PDS5B: variants seen among roughly 807,000 people sequenced by gnomAD.
The protein encoded by PDS5B is sister chromatid cohesion protein PDS5 homolog B.
PDS5B carries 51 observed loss-of-function variants against 184.1 expected under a neutral mutation model. The ratio of observed to expected loss-of-function variants is 0.28; its 90% confidence interval spans 0.22 to 0.35. PDS5B has a LOEUF of 0.35. Ranked by LOEUF, PDS5B falls within the 10% of genes least tolerant of loss-of-function variation. The pLI, the probability that PDS5B is intolerant of heterozygous loss-of-function variation, is 1.00. For missense variants in PDS5B, 1,180 were observed against 1,723.3 expected, an observed-to-expected ratio of 0.68 and a Z score of 5.58; for synonymous variants, 566 against 569.2, an observed-to-expected ratio of 0.99 and a Z score of 0.08.
At chr13:32,737,166 A>G (rs1953362132) in intron 21 of PDS5B, among the ~76,000 whole-genome samples, 1 of 146,712 alleles carries the variant, frequency 6.8e-6, no homozygotes, top group Non-Finnish European at 1.5e-5. Flanking sequence ...AGTTGTTGAG[A>G]TAATGTGAGG....
chr13:32,731,971 G>A, intron 19 of PDS5B, 130 bp from the exon 20 acceptor site: 1 of 639,674 alleles, frequency 1.6e-6, no homozygotes, highest in Non-Finnish European at 2.6e-6. Flanking sequence ...TTGGAAGTGA[G>A]TTTGAGTAAA....
chr13:32,773,457 G>A, intron 34 of PDS5B, 133 bp downstream of exon 34: 2 of 774,994 alleles, frequency 2.6e-6, no homozygotes, highest in Middle Eastern at 3.1e-4. Context: ...TTATCTACCA[G>A]GTTGGATAAT....
intron 3 of PDS5B, among the ~76,000 whole-genome samples, chr13:32,655,941 G>C (rs1228788947): frequency 6.6e-6 from 1 of 152,062 alleles, no homozygotes; most frequent in African/African-American, 2.4e-5. Context: ...TCATCTTCCA[G>C]GGATTTTATA....
At chr13:32,702,320 G>A (rs1034935059) in intron 17 of PDS5B, among the ~76,000 whole-genome samples, 2 of 152,104 alleles carry the variant, frequency 1.3e-5, no homozygotes, top group Non-Finnish European at 2.9e-5. Flanking sequence ...ATTTGAAGAG[G>A]TAGTTCTGAG....
Position 32,775,095 on chromosome 13 carries a change from A to AAATTTTTTT in PDS5B, c.*43_*44insAATTTTTTT. Reference sequence around the variant, plus strand: ...CTTTCTCTGTGAAAGCTTTGGAAAAATCTTTTTTTTTTTTTTTGGTCAAGC... The same window carrying AAATTTTTTT: ...CTTTCTCTGTGAAAGCTTTGGAAAAAAATTTTTTTTCTTTTTTTTTTTTTTTGGTCAAGC... On this transcript the variant is annotated 3_prime_UTR_variant, in exon 35 of 35. Transcript: ENST00000315596. The AAATTTTTTT allele has an allele frequency of 2.0e-5, 11 of 547,550 alleles. No individual in the cohort carries two copies. Among genetic ancestry groups the AAATTTTTTT allele is most frequent in the Non-Finnish European group, 2.8e-5 (11 of 388,668 alleles). 33.9% of individuals were successfully genotyped at this position (547,550 alleles called of 1,614,324 possible).
intron 13 of PDS5B, 66 bp downstream of exon 13, chr13:32,688,635 A>T (rs1423976254): frequency 1.1e-6 from 1 of 897,712 alleles, no homozygotes; most frequent in Non-Finnish European, 1.9e-6. Flanking sequence ...TATGGAAAAG[A>T]AACTACAAAC....
chr13:32,769,797 G>A (rs1195799943), intron 31 of PDS5B, among the ~76,000 whole-genome samples: 1 of 152,108 alleles, frequency 6.6e-6, no homozygotes, highest in Non-Finnish European at 1.5e-5. Flanking sequence ...TTAGGACCAA[G>A]CACTGAATTT....
intron 19 of PDS5B, among the ~76,000 whole-genome samples, chr13:32,725,497 C>T (rs1042336144): frequency 1.1e-4 from 17 of 152,024 alleles, no homozygotes; most frequent in Admixed American, 6.6e-4. Context: ...GCCAATTCTC[C>T]GAGGGGCTCT....
intron 20 of PDS5B, among the ~76,000 whole-genome samples, chr13:32,733,225 C>G (rs906221721): frequency 6.6e-6 from 1 of 151,874 alleles, no homozygotes; most frequent in African/African-American, 2.4e-5. Flanking sequence ...GTAGTTCTTT[C>G]ATTTTGATAT....
At chr13:32,656,595 CTTT>C (rs561702930) in intron 3 of PDS5B, among the ~76,000 whole-genome samples, 2 of 128,254 alleles carry the variant, frequency 1.6e-5, no homozygotes, top group Non-Finnish European at 1.6e-5. Context: ...CTTTTTGTGG[CTTT>C]TTTTTTTTTT....
At chr13:32,720,074 A>T (rs1952617962) in intron 19 of PDS5B, among the ~76,000 whole-genome samples, 1 of 152,238 alleles carries the variant, frequency 6.6e-6, no homozygotes, top group African/African-American at 2.4e-5. Flanking sequence ...TTGGAATTAC[A>T]GGTGTGAGCC....
chr13:32,696,434 G>C (rs543569130), intron 14 of PDS5B, among the ~76,000 whole-genome samples: 2 of 151,864 alleles, frequency 1.3e-5, no homozygotes, highest in Admixed American at 1.3e-4. Flanking sequence ...TCTTTTTTAC[G>C]TGTCAGTCAC....
At chr13:32,647,265 G>A (rs991582809) in intron 1 of PDS5B, among the ~76,000 whole-genome samples, 3 of 151,944 alleles carry the variant, frequency 2.0e-5, no homozygotes, top group Admixed American at 1.3e-4. Context: ...GTTGCACTCC[G>A]GATAATTTCT....
At chr13:32,656,923 A>G (rs1260156936) in intron 3 of PDS5B, among the ~76,000 whole-genome samples, 2 of 152,166 alleles carry the variant, frequency 1.3e-5, no homozygotes, top group Admixed American at 1.3e-4. Flanking sequence ...TTGGCTGTCA[A>G]CTTCAACATA....
chr13:32,708,756 C>T (rs1952109308), intron 18 of PDS5B, among the ~76,000 whole-genome samples: 1 of 152,030 alleles, frequency 6.6e-6, no homozygotes, highest in East Asian at 1.9e-4. Flanking sequence ...ATCCTTTGCT[C>T]ATACATCTAC....
chr13:32,688,423 A>G, intron 12 of PDS5B, 33 bp from the exon 13 acceptor site: 1 of 1,107,198 alleles, frequency 9.0e-7, no homozygotes, highest in Non-Finnish European at 1.3e-6. Context: ...ATTAGAAAAA[A>G]ATCAATACAA....
intron 1 of PDS5B, among the ~76,000 whole-genome samples, chr13:32,608,912 C>G (rs549907251): frequency 6.6e-5 from 10 of 152,288 alleles, no homozygotes; most frequent in African/African-American, 2.4e-4. Flanking sequence ...CTAGTGAACA[C>G]AAATGTGGCT....
At chr13:32,612,290 A>T (rs2058155968) in intron 1 of PDS5B, among the ~76,000 whole-genome samples, 1 of 151,948 alleles carries the variant, frequency 6.6e-6, no homozygotes, top group Non-Finnish European at 1.5e-5. Context: ...CTGGTCTCGA[A>T]CCCCTGACCT....
intron 34 of PDS5B, among the ~76,000 whole-genome samples, chr13:32,773,824 C>CT (rs375089866): frequency 6.6e-6 from 1 of 152,232 alleles, no homozygotes; most frequent in African/African-American, 2.4e-5. Flanking sequence ...GTTTTTGAGA[C>CT]AGAGTCTCAC....
Sources: allele counts gnomAD v4.1 joint callset (sites outside exome capture counted in the v4.1 genomes callset), GRCh38; gene constraint gnomAD v4.1.1; transcripts MANE v1.5; gene names NCBI Gene and HGNC (gene_info 2026-07-23, HGNC 2026-07-21).